CHD8: variants seen among roughly 807,000 people sequenced by gnomAD.
CHD8 encodes the protein chromodomain helicase DNA binding protein 8, also known as ATP-dependent chromatin remodeler CHD8.
In CHD8, 31 loss-of-function variants were observed where a neutral mutation model predicts 279.2. The ratio of observed to expected loss-of-function variants is 0.11; its 90% confidence interval spans 0.08 to 0.15. CHD8 has a LOEUF of 0.15. Ranked by LOEUF, CHD8 falls within the 10% of genes least tolerant of loss-of-function variation. The probability of loss-of-function intolerance (pLI) is 1.00; values close to 1 mark genes in which losing one functional copy is unlikely to be tolerated. For synonymous variants in CHD8, 1,081 were observed against 1,139.6 expected (o/e 0.95, Z 1.04); for missense variants, 2,146 against 3,230.5 (o/e 0.66, Z 8.14).
chr14:21,406,289 C>T (rs1445370603), intron 14 of CHD8, among the ~76,000 whole-genome samples: 1 of 152,206 alleles, frequency 6.6e-6, no homozygotes, highest in Non-Finnish European at 1.5e-5. Context: ...TGCCTTATTA[C>T]TTGCAAGAAC....
At position 21,403,430 on chromosome 14, in the gene CHD8, G is replaced by A; in HGVS notation, c.3518+23C>T. On this transcript the variant is annotated intron_variant, in intron 17 of 37. Coordinates refer to ENST00000646647, the MANE Select transcript of CHD8 (RefSeq NM_001170629.2). The surrounding 1 kb of genome is among the most constrained non-coding windows in gnomAD (Gnocchi z 4.3). ...GCTTTATGAGGACAGAGTAACCACA[G>A]GCTAGGATGACTCTTTTCTTACCTC... 6.3e-7 allele frequency: 1 copy of A among 1,576,260 alleles called. No homozygotes were observed.
intron 16 of CHD8, among the ~76,000 whole-genome samples, chr14:21,404,430 T>C (rs1053691171): frequency 8.9e-5 from 13 of 146,262 alleles, no homozygotes; most frequent in Non-Finnish European, 1.7e-4. Flanking sequence ...ACTTAAATCA[T>C]CCTCAGATGT....
At chr14:21,454,685 C>T (rs1416736000) in intron 1 of CHD8, among the ~76,000 whole-genome samples, 2 of 152,214 alleles carry the variant, frequency 1.3e-5, no homozygotes, top group African/African-American at 2.4e-5. Context: ...TGGCCAATAT[C>T]TTTCACTTGC....
intron 5 of CHD8, among the ~76,000 whole-genome samples, chr14:21,423,175 G>C (rs1200261792): frequency 1.3e-5 from 2 of 152,082 alleles, no homozygotes; most frequent in South Asian, 4.2e-4. Flanking sequence ...CCAAGATTGC[G>C]CCATTGCACT....
chr14:21,443,184 G>A (rs1890027067), intron 1 of CHD8, among the ~76,000 whole-genome samples: 1 of 152,034 alleles, frequency 6.6e-6, no homozygotes, highest in Non-Finnish European at 1.5e-5. Flanking sequence ...CAGGTCAGGA[G>A]ATTGAGACCA....
intron 36 of CHD8, 149 bp from the exon 37 acceptor site, chr14:21,391,212 C>T: frequency 7.0e-6 from 5 of 710,108 alleles, no homozygotes; most frequent in South Asian, 1.9e-5. Context: ...AGTGGGATCT[C>T]TCCAAAAAAT....
chr14:21,436,018 G>A (rs1337013641), intron 1 of CHD8, among the ~76,000 whole-genome samples: 1 of 152,186 alleles, frequency 6.6e-6, no homozygotes, highest in East Asian at 1.9e-4. Flanking sequence ...ATGAGCTACA[G>A]ATATCTATTG....
rs1887859564 is a variant in CHD8, at chr14:21,397,928, C to T, written c.4946G>A (p.Arg1649Lys). The change falls in exon 27 of 38, where the codon AGG becomes AAG. Residue 1649 changes from arginine (R) to lysine (K), a missense_variant. By Grantham distance (26) the Arg-to-Lys change is conservative. Transcript: ENST00000646647. Reference protein sequence around the residue: ...KHGYEKYNTMRADPALCFLEK... With the variant: ...KHGYEKYNTMKADPALCFLEK... ...TAGGAAACATAAGGCTGGGTCTGCCCTCATGGTATTATATTTCTCATAGCC... is the reference window on the plus strand; with the variant it reads ...TAGGAAACATAAGGCTGGGTCTGCCTTCATGGTATTATATTTCTCATAGCC... 1 of 1,609,902 alleles carries T rather than the reference C, an allele frequency of 6.2e-7. No homozygotes were observed.
intron 1 of CHD8, among the ~76,000 whole-genome samples, chr14:21,453,239 C>T (rs768939305): frequency 2.5e-4 from 37 of 150,414 alleles, no homozygotes; most frequent in Non-Finnish European, 4.4e-4. Flanking sequence ...TCAATTTTCA[C>T]GAGGTCAGGA....
chr14:21,436,924 G>A (rs1457580523), intron 1 of CHD8: 1 of 1,287,984 alleles, frequency 7.8e-7, no homozygotes, highest in Non-Finnish European at 1.0e-6. Context: ...CGGGGTTGGT[G>A]CCAGTAAGGT....
At chr14:21,452,384 T>C (rs1215370234) in intron 1 of CHD8, among the ~76,000 whole-genome samples, 2 of 152,038 alleles carry the variant, frequency 1.3e-5, no homozygotes, top group African/African-American at 4.8e-5. Context: ...GGCTCACGCT[T>C]GTAATCCTGG....
chr14:21,437,201 G>T, intron 1 of CHD8: 1 of 1,181,882 alleles, frequency 8.5e-7, no homozygotes, highest in Non-Finnish European at 1.1e-6. Context: ...TACCTGCAGT[G>T]GCTGTGGGGG....
At chr14:21,422,171 T>C (rs1310318021) in intron 5 of CHD8, among the ~76,000 whole-genome samples, 2 of 152,058 alleles carry the variant, frequency 1.3e-5, no homozygotes, top group East Asian at 1.9e-4. Context: ...TGAAACTCCA[T>C]CTCTACTAAA....
intron 1 of CHD8, among the ~76,000 whole-genome samples, chr14:21,442,758 G>A (rs1282735357): frequency 7.1e-5 from 1 of 14,048 alleles, no homozygotes; most frequent in African/African-American, 3.1e-4. Context: ...GGGGAGGAGA[G>A]GGGAGGAGAG....
chr14:21,419,814 TC>T, intron 5 of CHD8: 1 of 344,848 alleles, frequency 2.9e-6, no homozygotes, highest in Non-Finnish European at 5.9e-6. Flanking sequence ...GACCAAAACA[TC>T]CCCGAGGGAT....
chr14:21,395,416 T>G, intron 28 of CHD8, 64 bp from the exon 29 acceptor site: 1 of 1,132,480 alleles, frequency 8.8e-7, no homozygotes, highest in Non-Finnish European at 1.3e-6. Context: ...GTTGGCACTC[T>G]GAAATCACTT....
chr14:21,443,670 C>T lies in CHD8; in HGVS notation c.-215-11812G>A, dbSNP rs557762896. ...GAGATCGAGACCATCCTGGCTAATA[C>T]GGTGAAACCCCATCTCTACTAAAAA... On this transcript the variant is annotated intron_variant, in intron 1 of 37. Transcript: ENST00000646647. 1.4e-4 allele frequency among the ~76,000 whole-genome samples: 21 copies of T among 151,862 alleles called. No individual in the cohort carries two copies. The South Asian group carries it at 1.9e-3, about 14-fold the overall frequency.
rs1555316808 is a variant in CHD8 at position 21,417,865 on chromosome 14, A to ATAT, written c.1717-1959_1717-1958insATA. ...TGAGACTCTCTCAAAAAAAAAAAAA[A>ATAT]ATATATATATATATATAATATATAT... is the stretch of plus-strand genomic sequence containing the variant. On this transcript the variant is annotated intron_variant, in intron 5 of 37. Transcript: ENST00000646647. Among the ~76,000 whole-genome samples, 773 of 98,276 alleles carry ATAT rather than the reference A, an allele frequency of 7.9e-3. 11 individuals are homozygous for ATAT. Among genetic ancestry groups the ATAT allele is most frequent in the African/African-American group, 0.026 (726 of 28,004 alleles). The allele number at this position is 98,276 out of a possible 152,430, so 64.5% of individuals were successfully genotyped here.
rs376260777 is a variant in CHD8 at position 21,428,236 on chromosome 14, C to T, written c.1234G>A (p.Ala412Thr). 1.6e-5 allele frequency: 26 copies of T among 1,613,666 alleles called. No individual in the cohort carries two copies. Among genetic ancestry groups the T allele is most frequent in the African/African-American group, 1.3e-4 (10 of 74,890 alleles). The change falls in exon 4 of 38, where the codon GCC becomes ACC. Residue 412 changes from alanine to threonine, a missense_variant. By Grantham distance (58) the Ala-to-Thr change is moderately conservative (BLOSUM62 0). Coordinates refer to ENST00000646647, the MANE Select transcript of CHD8 (RefSeq NM_001170629.2). ...LQPQAGSSQG[A>T]SSGLSVVKVL... ...TTAACTACAGAGAGCCCAGAAGAGGCCCCTTGGGAAGAGCCAGCCTATAGA... is the reference window on the plus strand; with the variant it reads ...TTAACTACAGAGAGCCCAGAAGAGGTCCCTTGGGAAGAGCCAGCCTATAGA...
Sources: allele counts gnomAD v4.1 joint callset (sites outside exome capture counted in the v4.1 genomes callset), GRCh38; gene constraint gnomAD v4.1.1; non-coding constraint Gnocchi (gnomAD v3.1); transcripts MANE v1.5; gene names NCBI Gene and HGNC (gene_info 2026-07-23, HGNC 2026-07-21).